The following DAB1 variants were observed in gnomAD, a reference collection of about 807,000 sequenced individuals.
The protein encoded by DAB1 is disabled homolog 1.
A neutral mutation model predicts 64.6 loss-of-function variants in DAB1; 15 were observed. The observed-to-expected ratio is 0.23, with a 90% CI of 0.16 to 0.36. DAB1 has a LOEUF of 0.36. Ranked by LOEUF, DAB1 falls within the 10% of genes least tolerant of loss-of-function variation. The probability of loss-of-function intolerance (pLI) is 1.00; values close to 1 mark genes in which losing one functional copy is unlikely to be tolerated. For missense variants in DAB1, 596 were observed against 706.7 expected (o/e 0.84, Z 1.78); for synonymous variants, 235 against 251.9 (o/e 0.93, Z 0.64).
intron 3 of DAB1, among the ~76,000 whole-genome samples, chr1:58,385,442 T>C (rs947787755): frequency 6.6e-6 from 1 of 152,206 alleles, no homozygotes; most frequent in Non-Finnish European, 1.5e-5. Context: ...TGTTTAAACA[T>C]GTTGAGATCA....
In DAB1 at chr1:57,207,939, A is replaced by G. The variant is rs1665724706; in HGVS notation, c.68-62510T>C. 2.6e-5 allele frequency among the ~76,000 whole-genome samples: 4 copies of G among 152,290 alleles called. No individual in the cohort carries two copies. In the South Asian group the frequency reaches 8.3e-4, roughly 32 times the overall value. ...TAAAAAGTGTCTATGAAGATCAAAG[A>G]CCTTGAAATAGGCACAGTGACCTTC... On this transcript the variant is annotated intron_variant, in intron 2 of 14. Transcript: ENST00000371236.
intron 6 of DAB1, among the ~76,000 whole-genome samples, chr1:57,767,016 C>T (rs1051175372): frequency 1.3e-5 from 2 of 152,020 alleles, no homozygotes; most frequent in Non-Finnish European, 2.9e-5. Flanking sequence ...GCTTCCATGA[C>T]CTCTCTGAGG....
chr1:58,525,822 A>C (rs1646340071), intron 2 of DAB1, among the ~76,000 whole-genome samples: 1 of 152,120 alleles, frequency 6.6e-6, no homozygotes, highest in South Asian at 2.1e-4. Flanking sequence ...ACTTACTACA[A>C]AGTTATAGTG....
intron 2 of DAB1, among the ~76,000 whole-genome samples, chr1:57,167,822 T>G (rs1661347528): frequency 6.6e-6 from 1 of 152,180 alleles, no homozygotes. Context: ...ACTCAGCATA[T>G]TGTGCAGTGA....
chr1:57,969,599 C>T (rs1043895138), intron 5 of DAB1, among the ~76,000 whole-genome samples: 1 of 152,166 alleles, frequency 6.6e-6, no homozygotes, highest in African/African-American at 2.4e-5. Context: ...TATAAGTATC[C>T]TCATGCATCA....
intron 3 of DAB1, among the ~76,000 whole-genome samples, chr1:58,379,614 T>C (rs765747154): frequency 6.6e-6 from 1 of 152,268 alleles, no homozygotes; most frequent in Non-Finnish European, 1.5e-5. Context: ...TTAACAAATA[T>C]ATTTGAATAC....
chr1:57,650,149 T>C (rs1646239604), intron 6 of DAB1, among the ~76,000 whole-genome samples: 1 of 152,202 alleles, frequency 6.6e-6, no homozygotes, highest in African/African-American at 2.4e-5. Flanking sequence ...TCGTCTTCTT[T>C]TTTTTAGAGA....
At chr1:57,361,309 G>C (rs1026112340) in intron 1 of DAB1, among the ~76,000 whole-genome samples, 1 of 152,090 alleles carries the variant, frequency 6.6e-6, no homozygotes, top group Non-Finnish European at 1.5e-5. Context: ...AGATGAAGCT[G>C]AAAATGAGAA....
intron 5 of DAB1, among the ~76,000 whole-genome samples, chr1:58,055,531 G>T (rs11207161): frequency 0.83 from 126,398 of 152,022 alleles, 52,833 homozygotes; most frequent in Non-Finnish European, 0.88. Context: ...TTTATTTGTT[G>T]ACTATCTACT....
At chr1:57,441,863 A>G (rs1685972561) in intron 7 of DAB1, among the ~76,000 whole-genome samples, 1 of 152,146 alleles carries the variant, frequency 6.6e-6, no homozygotes, top group Admixed American at 6.5e-5. Context: ...GAAATCTCCA[A>G]CTGCTTTCCT....
chr1:57,510,214 C>T (rs548011415), intron 7 of DAB1, among the ~76,000 whole-genome samples: 2 of 152,302 alleles, frequency 1.3e-5, no homozygotes, highest in African/African-American at 4.8e-5. Flanking sequence ...GACACCAGTG[C>T]CTTCCATGTT....
chr1:57,432,054 G>A lies in DAB1; in HGVS notation n.626-140888C>T, dbSNP rs1343740391. 2.6e-5 allele frequency among the ~76,000 whole-genome samples: 4 copies of A among 151,774 alleles called. No homozygotes were observed. In the South Asian group the frequency reaches 6.2e-4, roughly 24 times the overall value. On this transcript the variant is annotated intron_variant and non_coding_transcript_variant, in intron 7 of 20. Transcript: ENST00000485760. ...GGAGAATTGCTTTAACCCAGGAGGC[G>A]GAGGTTGCAGTGAGCTGAGATTACA...
At chr1:57,716,772 A>C (rs940541057) in intron 6 of DAB1, among the ~76,000 whole-genome samples, 1 of 152,242 alleles carries the variant, frequency 6.6e-6, no homozygotes, top group African/African-American at 2.4e-5. Context: ...ACAGCAAAGA[A>C]AACAATCAGT....
At position 58,129,677 on chromosome 1, in the gene DAB1, C is replaced by T. The variant is rs1388990794; in HGVS notation, n.387+20834G>A. On this transcript the variant is annotated intron_variant and non_coding_transcript_variant, in intron 5 of 20. Coordinates refer to the DAB1 transcript ENST00000485760. ...GTTGTGTCTTTGTTCTCGTTGGTTTCAAAGAACATCTTTATTTCTGCCTTC... is the reference window on the plus strand; with the variant it reads ...GTTGTGTCTTTGTTCTCGTTGGTTTTAAAGAACATCTTTATTTCTGCCTTC... 5.5e-5 allele frequency among the ~76,000 whole-genome samples: 8 copies of T among 145,660 alleles called. No homozygotes were observed. In the East Asian group the frequency reaches 1.6e-3, roughly 30 times the overall value.
At chr1:57,424,863 G>A (rs1196453862), upstream of DAB1, among the ~76,000 whole-genome samples, 1 of 152,144 alleles carries the variant, frequency 6.6e-6, no homozygotes, top group Non-Finnish European at 1.5e-5. Context: ...CGCAGACCAC[G>A]GTTAACTCCG....
intron 2 of DAB1, among the ~76,000 whole-genome samples, chr1:58,509,722 G>A (rs1000641134): frequency 2.0e-5 from 3 of 151,266 alleles, no homozygotes; most frequent in South Asian, 4.2e-4. Flanking sequence ...AGCTTTTTGG[G>A]GAAAGATTTA....
intron 4 of DAB1, among the ~76,000 whole-genome samples, chr1:57,105,039 G>C (rs1026909560): frequency 1.3e-5 from 2 of 152,094 alleles, no homozygotes; most frequent in African/African-American, 4.8e-5. Context: ...AAATGAAAAT[G>C]ATCACAGCCA....
At chr1:58,229,186 C>T (rs1178003082) in intron 4 of DAB1, among the ~76,000 whole-genome samples, 1 of 152,096 alleles carries the variant, frequency 6.6e-6, no homozygotes, top group Non-Finnish European at 1.5e-5. Context: ...CCAGGTTGGT[C>T]TCAAACTTCT....
chr1:57,964,810 G>GA (rs752467689), intron 5 of DAB1, among the ~76,000 whole-genome samples: 1 of 152,108 alleles, frequency 6.6e-6, no homozygotes, highest in Non-Finnish European at 1.5e-5. Flanking sequence ...GAAAACAAGA[G>GA]AAGAAGGAAG....
Sources: gnomAD v4.1 joint callset for allele counts (sites outside exome capture counted in the v4.1 genomes callset) on GRCh38, gnomAD v4.1.1 for gene constraint, MANE v1.5 for transcripts, NCBI Gene and HGNC (gene_info 2026-07-23, HGNC 2026-07-21) for gene names.